PDLIM5: variants seen among roughly 807,000 people sequenced by gnomAD.
PDLIM5 encodes PDZ and LIM domain protein 5.
A neutral mutation model predicts 64.2 loss-of-function variants in PDLIM5; 34 were observed. The ratio of observed to expected loss-of-function variants is 0.53; its 90% confidence interval spans 0.40 to 0.71. The LOEUF is 0.71. Ranked by LOEUF, PDLIM5 falls within the 30% of genes least tolerant of loss-of-function variation. The pLI is 0.00. For synonymous variants in PDLIM5, 253 were observed against 269.1 expected, an observed-to-expected ratio of 0.94 and a Z score of 0.59; for missense variants, 683 against 733.6, an observed-to-expected ratio of 0.93 and a Z score of 0.80.
At chr4:94,466,239 A>G (rs1338495580) in intron 2 of PDLIM5, among the ~76,000 whole-genome samples, 1 of 152,188 alleles carries the variant, frequency 6.6e-6, no homozygotes, top group Admixed American at 6.6e-5. Context: ...AACTGTTGGT[A>G]TTATAGGCCT....
At chr4:94,532,579 C>G (rs540417658) in intron 3 of PDLIM5, among the ~76,000 whole-genome samples, 1 of 152,200 alleles carries the variant, frequency 6.6e-6, no homozygotes, top group East Asian at 1.9e-4. Context: ...CCTCAGCAAT[C>G]CTTCCGGGTG....
intron 7 of PDLIM5, among the ~76,000 whole-genome samples, chr4:94,602,958 A>G (rs1737620698): frequency 6.6e-6 from 1 of 152,188 alleles, no homozygotes; most frequent in African/African-American, 2.4e-5. Context: ...TTTATTATTA[A>G]CAAATGATTT....
intron 2 of PDLIM5, among the ~76,000 whole-genome samples, chr4:94,476,792 G>T (rs140544432): frequency 0.025 from 3,821 of 152,184 alleles, 68 homozygotes; most frequent in Middle Eastern, 0.061. Flanking sequence ...GGTTCAAATC[G>T]CAGTAGGGAC....
rs10526750 is a variant in PDLIM5, at chr4:94,621,070, C to CA, written c.1108+2907dup. Among the ~76,000 whole-genome samples, 233 of 81,602 alleles carry CA rather than the reference C, an allele frequency of 2.9e-3. 7 individuals carry two copies. The highest frequency in any genetic ancestry group is 7.3e-3 in the African/African-American group (173 of 23,702). 53.5% of individuals were successfully genotyped at this position (81,602 alleles called of 152,430 possible). ...TGGGTGGCAGAGTGAGACTCTGTCT[C>CA]AAAAAAAAAAAAAAAAAAAAAAAAA... On this transcript the variant is annotated intron_variant, in intron 8 of 12. Transcript: ENST00000317968.
intron 8 of PDLIM5, among the ~76,000 whole-genome samples, chr4:94,638,534 A>G (rs1266489723): frequency 6.6e-6 from 1 of 152,242 alleles, no homozygotes; most frequent in Non-Finnish European, 1.5e-5. Context: ...AGGGAGAATT[A>G]TCATATCAAT....
chr4:94,490,342 A>G (rs1726758511), intron 2 of PDLIM5, among the ~76,000 whole-genome samples: 1 of 151,990 alleles, frequency 6.6e-6, no homozygotes, highest in South Asian at 2.1e-4. Flanking sequence ...ATCTGCTGCA[A>G]ATGTGCTTTC....
chr4:94,577,580 T>C lies in PDLIM5; in HGVS notation c.710+1546T>C, dbSNP rs565358309. 1.9e-3 allele frequency among the ~76,000 whole-genome samples: 227 copies of C among 117,324 alleles called. 1 individual carries two copies. Among genetic ancestry groups the C allele is most frequent in the African/African-American group, 6.7e-3 (212 of 31,800 alleles). The allele number at this position is 117,324 out of a possible 152,430, so 77.0% of individuals were successfully genotyped here. A position where few individuals can be genotyped will look rare whatever the true frequency, so the allele number is the denominator to read the frequency against. ...AGTGTTCAGGAGTGTTTGGTCGTAATCTTTTTTTTTTTTTTTTTTTTTTAG... is the reference window on the plus strand; with the variant it reads ...AGTGTTCAGGAGTGTTTGGTCGTAACCTTTTTTTTTTTTTTTTTTTTTTAG... On this transcript the variant is annotated intron_variant, in intron 5 of 12. Transcript: ENST00000317968.
At chr4:94,610,365 G>A (rs1578467076) in intron 7 of PDLIM5, 2 of 1,102,170 alleles carry the variant, frequency 1.8e-6, no homozygotes, top group East Asian at 2.9e-5. Flanking sequence ...TGTCTTACAA[G>A]TCACCTCAAA....
intron 2 of PDLIM5, among the ~76,000 whole-genome samples, chr4:94,480,086 T>A (rs530166138): frequency 4.3e-4 from 66 of 152,218 alleles, no homozygotes; most frequent in Non-Finnish European, 6.5e-4. Context: ...TGAAAAAATG[T>A]TTTAAATATG....
Position 94,666,145 on chromosome 4 carries a change from T to G in PDLIM5, c.*2078T>G. 1.3e-6 allele frequency: 1 copy of G among 749,622 alleles called. No homozygotes were observed. The highest frequency in any genetic ancestry group is 2.1e-6 in the Non-Finnish European group (1 of 469,300). 46.4% of individuals were successfully genotyped at this position (749,622 alleles called of 1,614,324 possible). ...CCCCATCACTCACTTACGACATCAC[T>G]TCCATTGTGTGCATGTTTGTTATAG... On this transcript the variant is annotated 3_prime_UTR_variant, in exon 13 of 13. Coordinates refer to ENST00000317968, the MANE Select transcript of PDLIM5 (RefSeq NM_006457.5).
At chr4:94,479,884 C>G (rs570808740) in intron 2 of PDLIM5, among the ~76,000 whole-genome samples, 1 of 152,212 alleles carries the variant, frequency 6.6e-6, no homozygotes, top group East Asian at 1.9e-4. Context: ...TGATGTAAGT[C>G]TAATTTTCAA....
At chr4:94,571,140 C>T (rs1412647513) in intron 3 of PDLIM5, among the ~76,000 whole-genome samples, 1 of 152,104 alleles carries the variant, frequency 6.6e-6, no homozygotes, top group Non-Finnish European at 1.5e-5. Flanking sequence ...GCATCTAATT[C>T]TTGATAAGAC....
intron 7 of PDLIM5, among the ~76,000 whole-genome samples, chr4:94,616,610 T>C (rs1280289419): frequency 6.6e-6 from 1 of 152,222 alleles, no homozygotes; most frequent in Non-Finnish European, 1.5e-5. Context: ...AATATTCCCA[T>C]GAGGGAGGCA....
At chr4:94,655,762 A>G (rs1291571672) in intron 10 of PDLIM5, among the ~76,000 whole-genome samples, 1 of 152,174 alleles carries the variant, frequency 6.6e-6, no homozygotes, top group Non-Finnish European at 1.5e-5. Context: ...GACCCAAATA[A>G]AGTTCTGGGA....
rs552891715 is a variant in PDLIM5, at chr4:94,608,417, T to C, written c.921-9587T>C. Among the ~76,000 whole-genome samples, 10 of 152,350 alleles carry C rather than the reference T, an allele frequency of 6.6e-5. No homozygotes were observed. The East Asian group carries it at 1.7e-3, about 26-fold the overall frequency. ...AGAAATCTCTTTCATTTATTCACTTTGTGATTTGGAAAGTTAACTTGCTGG... is the reference window on the plus strand; with the variant it reads ...AGAAATCTCTTTCATTTATTCACTTCGTGATTTGGAAAGTTAACTTGCTGG... On this transcript the variant is annotated intron_variant, in intron 7 of 12. Coordinates refer to ENST00000317968, the MANE Select transcript of PDLIM5 (RefSeq NM_006457.5).
At chr4:94,475,153 T>C (rs1021652546) in intron 2 of PDLIM5, among the ~76,000 whole-genome samples, 1 of 152,080 alleles carries the variant, frequency 6.6e-6, no homozygotes, top group Non-Finnish European at 1.5e-5. Flanking sequence ...GCCTTTTTTT[T>C]TTTACCTAAA....
intron 7 of PDLIM5, chr4:94,611,220 G>A: frequency 6.5e-7 from 1 of 1,529,206 alleles, no homozygotes; most frequent in South Asian, 1.2e-5. Flanking sequence ...GAGCAGATAT[G>A]GCAAGTGGTG....
intron 12 of PDLIM5, 121 bp from the exon 13 acceptor site, chr4:94,663,856 TA>T: frequency 1.2e-6 from 1 of 850,618 alleles, no homozygotes; most frequent in Non-Finnish European, 1.7e-6. Context: ...CTTAACCAAC[TA>T]AAGTGTTTTG....
At chr4:94,468,409 A>G (rs2510764) in intron 2 of PDLIM5, among the ~76,000 whole-genome samples, 88,788 of 152,060 alleles carry the variant, frequency 0.58, 29,115 homozygotes, top group African/African-American at 0.9. Flanking sequence ...TGGGATTACA[A>G]GAATGAGCCA....
Sources: allele counts gnomAD v4.1 joint callset (sites outside exome capture counted in the v4.1 genomes callset), GRCh38; gene constraint gnomAD v4.1.1; transcripts MANE v1.5; gene names NCBI Gene and HGNC (gene_info 2026-07-23, HGNC 2026-07-21).